The following RNF125 variants were observed in gnomAD, a reference collection of about 807,000 sequenced individuals.
RNF125 encodes the protein E3 ubiquitin-protein ligase RNF125.
A neutral mutation model predicts 26.0 loss-of-function variants in RNF125; 21 were observed. That is an observed-to-expected ratio of 0.81 (90% CI 0.57 to 1.16). The LOEUF (loss-of-function observed/expected upper bound fraction) is 1.16. Among genes scored for constraint, RNF125 ranks in the 50% most tolerant of loss-of-function variants. RNF125 has a pLI of 0.00. For missense variants in RNF125, 270 were observed against 299.4 expected (o/e 0.90, Z 0.72); for synonymous variants, 95 against 109.2 (o/e 0.87, Z 0.81).
chr18:32,065,049 TTA>T (rs955693965), intron 4 of RNF125, among the ~76,000 whole-genome samples: 2 of 152,210 alleles, frequency 1.3e-5, no homozygotes, highest in African/African-American at 4.8e-5. Flanking sequence ...AAACAAATAG[TTA>T]TATTGTTATG....
At chr18:32,065,829 C>A in intron 4 of RNF125, 73 bp from the exon 5 acceptor site, 1 of 1,087,712 alleles carries the variant, frequency 9.2e-7, no homozygotes, top group African/African-American at 1.6e-5. Context: ...CCGCGCCCAG[C>A]CGTTGTTTTT....
rs138684840 is a variant in RNF125 at position 32,047,848 on chromosome 18, C to T, written c.504+2116C>T. Among the ~76,000 whole-genome samples the T allele has an allele frequency of 5.2e-3, 785 of 152,212 alleles. 6 individuals carry two copies. The highest frequency in any genetic ancestry group is 0.018 in the African/African-American group (742 of 41,512). On this transcript the variant is annotated intron_variant, in intron 4 of 5. Transcript: ENST00000217740. ...TAGAGAATAAAGAGAAAGATACAGC[C>T]GGGTACAGTGGCTCACACCTGTAAT...
At position 32,018,996 on chromosome 18, in the gene RNF125, C is replaced by T. The variant is rs1796183103; in HGVS notation, c.133C>T (p.His45Tyr). 6.2e-7 allele frequency: 1 copy of T among 1,613,648 alleles called. No individual in the cohort carries two copies. Among genetic ancestry groups the T allele is most frequent in the Non-Finnish European group, 8.5e-7 (1 of 1,179,810 alleles). Residue 45 changes from histidine to tyrosine, a missense_variant, in exon 1 of 6, where the codon CAC becomes TAC. His to Tyr is a moderately conservative substitution (Grantham distance 83). Coordinates refer to ENST00000217740, the MANE Select transcript of RNF125 (RefSeq NM_017831.4). The part of the protein sequence containing the change: ...FDCAVCLEVL[H>Y]QPVRTRCGHV... The stretch of plus-strand genomic sequence containing the variant: ...CTGCGCCGTGTGCCTTGAGGTGTTA[C>T]ACCAGCCTGTCCGGACCCGCTGTGG...
intron 1 of RNF125, among the ~76,000 whole-genome samples, chr18:32,020,758 A>G (rs148275587): frequency 1.3e-5 from 2 of 151,310 alleles, no homozygotes; most frequent in African/African-American, 4.8e-5. Flanking sequence ...AAAATACAAA[A>G]ATTAGCCAGG....
At chr18:32,028,291 C>T (rs1365597323) in intron 1 of RNF125, among the ~76,000 whole-genome samples, 1 of 124,402 alleles carries the variant, frequency 8.0e-6, no homozygotes, top group Non-Finnish European at 1.6e-5. Flanking sequence ...GAGCGAGACT[C>T]CGTCTTAAAA....
chr18:32,041,975 A>G (rs168058), intron 2 of RNF125: 361,160 of 524,332 alleles, frequency 0.69, 125,941 homozygotes, highest in African/African-American at 0.75. Context: ...TAACAGTTGG[A>G]TCTTCTAAGT....
At chr18:32,040,015 G>A (rs559714384) in intron 2 of RNF125, among the ~76,000 whole-genome samples, 1 of 152,082 alleles carries the variant, frequency 6.6e-6, no homozygotes, top group Non-Finnish European at 1.5e-5. Flanking sequence ...CTGACCACAG[G>A]TGATCTGTCC....
At position 32,068,571 on chromosome 18, in the gene RNF125, C is replaced by T. The variant is rs189682747; in HGVS notation, c.*187C>T. Reference sequence around the variant, plus strand: ...ATTTTAATGGTTTAAATCTGTTTTACATCCTTGAGATTCTTACACATCTAA... The same window carrying T: ...ATTTTAATGGTTTAAATCTGTTTTATATCCTTGAGATTCTTACACATCTAA... On this transcript the variant is annotated 3_prime_UTR_variant, in exon 6 of 6. Transcript: ENST00000217740. 8.2e-6 allele frequency: 4 copies of T among 487,890 alleles called. No homozygotes were observed. The highest frequency in any genetic ancestry group is 1.5e-5 in the Non-Finnish European group (4 of 271,616). 30.2% of individuals were successfully genotyped at this position (487,890 alleles called of 1,614,324 possible). A position where few individuals can be genotyped will look rare whatever the true frequency, so the allele number is the denominator to read the frequency against.
Position 32,070,018 on chromosome 18 carries a change from T to TC in RNF125, c.*1635dup, listed in dbSNP as rs2039519481. The TC allele has an allele frequency of 3.4e-5, 1 of 29,558 alleles. No individual in the cohort carries two copies. Among genetic ancestry groups the TC allele is most frequent in the Non-Finnish European group, 8.4e-5 (1 of 11,866 alleles). The allele number at this position is 29,558 out of a possible 1,614,324, so 1.8% of individuals were successfully genotyped here. ...GTGTCTTTCTTTCCTTCCTCCTTCT[T>TC]CTCTCTCTCTCTCTCTCTCTCTTTC... is the stretch of plus-strand genomic sequence containing the variant. On this transcript the variant is annotated 3_prime_UTR_variant, in exon 6 of 6. Coordinates refer to ENST00000217740, the MANE Select transcript of RNF125 (RefSeq NM_017831.4).
chr18:32,077,694 A>C (rs141023884), downstream of RNF125, among the ~76,000 whole-genome samples: 1,487 of 152,188 alleles, frequency 9.8e-3, 24 homozygotes, highest in African/African-American at 0.034. Context: ...GAAAAAAATC[A>C]TAATATTACC....
intron 2 of RNF125, among the ~76,000 whole-genome samples, chr18:32,037,669 G>A (rs1182449133): frequency 4.6e-5 from 7 of 152,012 alleles, no homozygotes; most frequent in East Asian, 1.9e-4. Context: ...TGGACTTCCC[G>A]GGTAGAGTGG....
intron 3 of RNF125, among the ~76,000 whole-genome samples, 183 bp from the exon 4 acceptor site, chr18:32,045,459 T>C (rs1267518116): frequency 1.3e-5 from 2 of 150,100 alleles, no homozygotes; most frequent in Non-Finnish European, 3.0e-5. Context: ...CTTGGGAGGC[T>C]GAGGCAGGAG....
At chr18:32,041,620 CTTTTTTTTTTTTTTTTT>C (rs60264747) in intron 2 of RNF125, among the ~76,000 whole-genome samples, 5 of 93,280 alleles carry the variant, frequency 5.4e-5, no homozygotes, top group African/African-American at 2.0e-4. Context: ...AATGTAGATG[CTTTTTTTTTTTTTTTTT>C]TTTTTTTTTT....
intron 1 of RNF125, chr18:32,030,984 C>A (rs1311608718): frequency 3.9e-5 from 6 of 152,196 alleles, no homozygotes; most frequent in African/African-American, 1.4e-4. Context: ...AAAGCCACTT[C>A]TGCAAGAACT....
the RNF125 span, among the ~76,000 whole-genome samples, chr18:32,085,879 G>A: frequency 7.9e-5 from 12 of 151,982 alleles, no homozygotes; most frequent in Non-Finnish European, 1.5e-4. Flanking sequence ...AACAACAAGG[G>A]CAGAACAGGG....
chr18:32,027,960 T>C (rs1393626142), intron 1 of RNF125, among the ~76,000 whole-genome samples: 1 of 151,956 alleles, frequency 6.6e-6, no homozygotes, highest in African/African-American at 2.4e-5. Context: ...AAAGCTGTTC[T>C]TGTTATACAG....
At chr18:32,089,017 T>TCTCTGACACACG in the RNF125 span, among the ~76,000 whole-genome samples, 1 of 152,060 alleles carries the variant, frequency 6.6e-6, no homozygotes, top group Non-Finnish European at 1.5e-5. Flanking sequence ...TCATAGACAG[T>TCTCTGACACACG]AGTTGTGTTG....
At chr18:32,022,053 G>C (rs2038991475) in intron 1 of RNF125, among the ~76,000 whole-genome samples, 1 of 152,146 alleles carries the variant, frequency 6.6e-6, no homozygotes, top group African/African-American at 2.4e-5. Flanking sequence ...TAGAGATTGT[G>C]AGCGTTAATA....
At chr18:32,084,505 A>G in the RNF125 span, among the ~76,000 whole-genome samples, 2 of 152,252 alleles carry the variant, frequency 1.3e-5, no homozygotes, top group Non-Finnish European at 2.9e-5. Context: ...AAGTGACTTT[A>G]GCTGCATTCC....
Sources: allele counts gnomAD v4.1 joint callset (sites outside exome capture counted in the v4.1 genomes callset), GRCh38; gene constraint gnomAD v4.1.1; transcripts MANE v1.5; gene names NCBI Gene and HGNC (gene_info 2026-07-23, HGNC 2026-07-21).